TSPAN15: variants seen among roughly 807,000 people sequenced by gnomAD.
The protein encoded by TSPAN15 is tetraspanin 15, also known as tetraspanin-15.
Under a neutral mutation model 34.5 loss-of-function variants are expected in TSPAN15, and 20 were observed. The observed-to-expected ratio is 0.58, with a 90% CI of 0.41 to 0.84. TSPAN15 has a LOEUF of 0.84. TSPAN15 is among the 40% of genes least tolerant of loss of function. The pLI is 0.00. For missense variants in TSPAN15, 313 were observed against 386.1 expected, an observed-to-expected ratio of 0.81 and a Z score of 1.59; for synonymous variants, 155 against 153.9, an observed-to-expected ratio of 1.01 and a Z score of -0.05.
the TSPAN15 span, among the ~76,000 whole-genome samples, chr10:69,548,672 G>A: frequency 6.6e-6 from 1 of 152,084 alleles, no homozygotes; most frequent in East Asian, 1.9e-4. Flanking sequence ...TTTGCACGTA[G>A]TGGAAAGATT....
At chr10:69,458,097 C>T (rs545507331) in intron 1 of TSPAN15, among the ~76,000 whole-genome samples, 4 of 152,170 alleles carry the variant, frequency 2.6e-5, no homozygotes, top group Non-Finnish European at 2.9e-5. Context: ...GTTTCTTCCT[C>T]GGGCCCCCAT....
chr10:69,498,344 C>T lies in TSPAN15; in HGVS notation c.518C>T (p.Ala173Val), dbSNP rs1842130989. 3 of 1,613,818 alleles carry T rather than the reference C, an allele frequency of 1.9e-6. No individual in the cohort carries two copies. The highest frequency in any genetic ancestry group is 1.7e-6 in the Non-Finnish European group (2 of 1,179,980). The change falls in exon 5 of 8, where the codon GCC (alanine) becomes GTC (valine). Residue 173 changes from alanine (A) to valine (V), a missense_variant. Ala to Val is a moderately conservative substitution (Grantham distance 64). Coordinates refer to ENST00000373290, the MANE Select transcript of TSPAN15 (RefSeq NM_012339.5). ...WSKNQYHDCS[A>V]PGPLACGVPY... Reference sequence around the variant, plus strand: ...AAGAATCAGTACCACGACTGCAGTGCCCCTGGACCCCTGGCCTGTGGGGTG... The same window carrying T: ...AAGAATCAGTACCACGACTGCAGTGTCCCTGGACCCCTGGCCTGTGGGGTG...
chr10:69,539,214 A>G, the TSPAN15 span, among the ~76,000 whole-genome samples: 11 of 152,168 alleles, frequency 7.2e-5, no homozygotes, highest in East Asian at 2.1e-3. Flanking sequence ...ACACAAAGGC[A>G]TAAGAATGAT....
At chr10:69,537,163 G>C in the TSPAN15 span, among the ~76,000 whole-genome samples, 1 of 152,058 alleles carries the variant, frequency 6.6e-6, no homozygotes, top group African/African-American at 2.4e-5. Context: ...CCATAACAGT[G>C]GGTTTTAAGA....
chr10:69,524,507 A>G, the TSPAN15 span, among the ~76,000 whole-genome samples: 1 of 147,296 alleles, frequency 6.8e-6, no homozygotes, highest in African/African-American at 2.5e-5. Flanking sequence ...GATCAAATCC[A>G]ATACCCATTT....
At chr10:69,541,991 A>G in the TSPAN15 span, among the ~76,000 whole-genome samples, 2 of 152,344 alleles carry the variant, frequency 1.3e-5, no homozygotes, top group Non-Finnish European at 2.9e-5. Flanking sequence ...AATTTCTGCA[A>G]TGGGCTTGAA....
chr10:69,533,415 A>G, the TSPAN15 span, among the ~76,000 whole-genome samples: 1 of 152,210 alleles, frequency 6.6e-6, no homozygotes, highest in African/African-American at 2.4e-5. Context: ...TAACTCAGGA[A>G]TGGAAACCCA....
chr10:69,517,325 G>A, the TSPAN15 span, among the ~76,000 whole-genome samples: 1 of 152,328 alleles, frequency 6.6e-6, no homozygotes, highest in South Asian at 2.1e-4. Flanking sequence ...AGCTAAGCCT[G>A]CGCTTGAGGC....
the TSPAN15 span, among the ~76,000 whole-genome samples, chr10:69,545,445 G>T: frequency 1.3e-5 from 2 of 152,176 alleles, no homozygotes; most frequent in African/African-American, 4.8e-5. Context: ...CGGGCTCACC[G>T]GTCAAGTCAG....
At chr10:69,548,710 A>C in the TSPAN15 span, among the ~76,000 whole-genome samples, 2 of 149,066 alleles carry the variant, frequency 1.3e-5, no homozygotes, top group African/African-American at 5.2e-5. Context: ...AGAAACATGC[A>C]TAGAGCTCCC....
intron 3 of TSPAN15, among the ~76,000 whole-genome samples, chr10:69,490,790 G>A (rs1361381386): frequency 2.6e-5 from 4 of 152,204 alleles, no homozygotes; most frequent in African/African-American, 4.8e-5. Flanking sequence ...GTAGATAGTT[G>A]TTTATGCTGT....
intron 1 of TSPAN15, among the ~76,000 whole-genome samples, chr10:69,480,289 A>G (rs1369909046): frequency 2.0e-5 from 3 of 152,102 alleles, no homozygotes; most frequent in Admixed American, 2.0e-4. Flanking sequence ...GGGGCAGGGG[A>G]ATGGGGAAGG....
intron 1 of TSPAN15, among the ~76,000 whole-genome samples, chr10:69,456,568 G>A (rs1425270682): frequency 6.6e-6 from 1 of 152,104 alleles, no homozygotes; most frequent in Non-Finnish European, 1.5e-5. Context: ...ATCATAAATA[G>A]CAGGTAAAGG....
the TSPAN15 span, among the ~76,000 whole-genome samples, chr10:69,540,224 C>G: frequency 1.3e-5 from 2 of 152,164 alleles, no homozygotes; most frequent in East Asian, 3.9e-4. Flanking sequence ...AACCCCATCT[C>G]TACAAAAAAC....
the TSPAN15 span, among the ~76,000 whole-genome samples, chr10:69,536,971 T>G: frequency 8.8e-5 from 12 of 136,712 alleles, no homozygotes; most frequent in Admixed American, 1.5e-4. Flanking sequence ...GCAAGAAGAG[T>G]GAAACTACAT....
chr10:69,474,166 C>G (rs186582121), intron 1 of TSPAN15, among the ~76,000 whole-genome samples: 1 of 151,774 alleles, frequency 6.6e-6, no homozygotes, highest in Non-Finnish European at 1.5e-5. Flanking sequence ...CTCCTCCCCC[C>G]ACCTGCTCTC....
intron 3 of TSPAN15, among the ~76,000 whole-genome samples, chr10:69,491,423 G>A (rs1475636284): frequency 6.6e-6 from 1 of 152,190 alleles, no homozygotes; most frequent in East Asian, 1.9e-4. Context: ...GAGTGCAGTG[G>A]TGCAATCACA....
At chr10:69,464,759 G>A (rs1841346439) in intron 1 of TSPAN15, among the ~76,000 whole-genome samples, 1 of 152,158 alleles carries the variant, frequency 6.6e-6, no homozygotes. Flanking sequence ...CAGAGAGAAG[G>A]AAACCAAGCC....
At chr10:69,536,967 A>G in the TSPAN15 span, among the ~76,000 whole-genome samples, 1 of 151,084 alleles carries the variant, frequency 6.6e-6, no homozygotes, top group African/African-American at 2.4e-5. Flanking sequence ...CTGGGCAAGA[A>G]GAGTGAAACT....
Sources: allele counts gnomAD v4.1 joint callset (sites outside exome capture counted in the v4.1 genomes callset), GRCh38; gene constraint gnomAD v4.1.1; transcripts MANE v1.5; gene names NCBI Gene and HGNC (gene_info 2026-07-23, HGNC 2026-07-21).